The following ANKS3 variants were observed in gnomAD, a reference collection of about 807,000 sequenced individuals.
ANKS3 encodes ankyrin repeat and SAM domain-containing protein 3.
Under a neutral mutation model 80.7 loss-of-function variants are expected in ANKS3, and 62 were observed. The ratio of observed to expected loss-of-function variants is 0.77; its 90% CI spans 0.63 to 0.95. The LOEUF (loss-of-function observed/expected upper bound fraction) is 0.95. ANKS3 is among the 40% of genes least tolerant of loss of function. The pLI, the probability that ANKS3 is intolerant of heterozygous loss-of-function variation, is 0.00. For missense variants in ANKS3, 1,150 were observed against 883.6 expected, an observed-to-expected ratio of 1.30 and a Z score of -3.82; for synonymous variants, 489 against 355.3, an observed-to-expected ratio of 1.38 and a Z score of -4.23.
chr16:4,699,307 C>T (rs1021478802), intron 11 of ANKS3, 131 bp from the exon 12 acceptor site: 2 of 1,271,842 alleles, frequency 1.6e-6, no homozygotes, highest in African/African-American at 1.5e-5. Flanking sequence ...GGCGCCCAGG[C>T]TGTCCCCTCC....
At chr16:4,699,909 A>G (rs1208442182) in intron 11 of ANKS3, 1 of 152,316 alleles carries the variant, frequency 6.6e-6, no homozygotes, top group Admixed American at 6.5e-5. Context: ...ATTGCTTTTA[A>G]TGGACAAACA....
In ANKS3 at chr16:4,734,137, G is replaced by C. The variant is rs553280038; in HGVS notation, c.-270C>G. The C allele has an allele frequency of 2.2e-3, 1,351 of 622,294 alleles. 1 individual carries two copies. The highest frequency in any genetic ancestry group is 2.2e-3 in the Non-Finnish European group (1,082 of 498,126). 38.5% of individuals were successfully genotyped at this position (622,294 alleles called of 1,614,324 possible). A position where few individuals can be genotyped will look rare whatever the true frequency, so the allele number is the denominator to read the frequency against. On this transcript the variant is annotated 5_prime_UTR_variant, in exon 1 of 18. Coordinates refer to ENST00000304283, the MANE Select transcript of ANKS3 (RefSeq NM_133450.4). ...GCAGGTGCCGGCAAGTGCTGGGGCC[G>C]GGCCGCCGCGGAACCCACCTGTGCT...
chr16:4,724,619 T>C (rs1242532247), intron 6 of ANKS3, 131 bp downstream of exon 6: 14 of 889,792 alleles, frequency 1.6e-5, no homozygotes, highest in South Asian at 1.2e-4. Context: ...CAATAGATAA[T>C]GAAAATGTGT....
chr16:4,725,187 A>C, intron 5 of ANKS3: 1 of 180,566 alleles, frequency 5.5e-6, no homozygotes. Context: ...ATTCATCCAA[A>C]TCCTGGCTTC....
intron 14 of ANKS3, 124 bp from the exon 15 acceptor site, chr16:4,698,186 G>C: frequency 8.1e-7 from 1 of 1,228,218 alleles, no homozygotes; most frequent in Non-Finnish European, 1.1e-6. Flanking sequence ...TCATGGGCTG[G>C]GCCAGTGCCC....
At chr16:4,713,707 C>A (rs1373845586) in intron 7 of ANKS3, among the ~76,000 whole-genome samples, 1 of 152,160 alleles carries the variant, frequency 6.6e-6, no homozygotes, top group East Asian at 1.9e-4. Flanking sequence ...AGGAGCTAGA[C>A]AAGTTGATAT....
At chr16:4,721,618 A>G (rs1034009345) in intron 6 of ANKS3, among the ~76,000 whole-genome samples, 23 of 90,142 alleles carry the variant, frequency 2.6e-4, no homozygotes, top group Admixed American at 9.5e-4. Context: ...CTCTTTATTG[A>G]TTTATTGATT....
chr16:4,730,291 A>G, intron 2 of ANKS3, 140 bp from the exon 3 acceptor site: 1 of 748,686 alleles, frequency 1.3e-6, no homozygotes, highest in Non-Finnish European at 1.9e-6. Flanking sequence ...AACTCAGACA[A>G]ATTTATTTGC....
chr16:4,722,857 G>A (rs1163276672), intron 6 of ANKS3, among the ~76,000 whole-genome samples: 1 of 151,182 alleles, frequency 6.6e-6, no homozygotes, highest in Non-Finnish European at 1.5e-5. Context: ...GGTAGAGGTT[G>A]CAGTGAGCCG....
intron 7 of ANKS3, among the ~76,000 whole-genome samples, chr16:4,710,017 C>A (rs1003662937): frequency 6.6e-6 from 1 of 151,734 alleles, no homozygotes; most frequent in Non-Finnish European, 1.5e-5. Context: ...TCTCAAAAAC[C>A]AAACAAACAA....
At chr16:4,713,972 G>A in intron 7 of ANKS3, 79 bp downstream of exon 7, 2 of 1,555,642 alleles carry the variant, frequency 1.3e-6, no homozygotes, top group East Asian at 2.3e-5. Flanking sequence ...GGAAGCGGGG[G>A]ACATCTTTCT....
chr16:4,705,086 G>A lies in ANKS3; in HGVS notation c.868+9C>T, dbSNP rs544776046. On this transcript the variant is annotated intron_variant, in intron 8 of 17. Transcript: ENST00000304283. ...GAGAAAGAGCCCTCGGGAAACGCGG[G>A]CCACTCACCATAGCGAGGCCGTGGG... 32 of 1,610,382 alleles carry A rather than the reference G, an allele frequency of 2.0e-5. No homozygotes were observed. In the South Asian group the frequency reaches 3.5e-4, roughly 18 times the overall value.
rs942796817 is a variant in ANKS3, at chr16:4,698,414, C to T, written c.1724+13G>A. 1 of 1,501,020 alleles carries T rather than the reference C, an allele frequency of 6.7e-7. No individual in the cohort carries two copies. The highest frequency in any genetic ancestry group is 8.9e-7 in the Non-Finnish European group (1 of 1,129,338). 93.0% of individuals were successfully genotyped at this position (1,501,020 alleles called of 1,614,324 possible). A position where few individuals can be genotyped will look rare whatever the true frequency, so the allele number is the denominator to read the frequency against. On this transcript the variant is annotated intron_variant, in intron 14 of 17. Coordinates refer to ENST00000304283, the MANE Select transcript of ANKS3 (RefSeq NM_133450.4). The stretch of plus-strand genomic sequence containing the variant: ...ACTGGAGACCCAGCCCAGGGCAGCT[C>T]AGAGCCACTCACCGCAGCTGGTCCA...
rs189059289 is a variant in ANKS3 at position 4,712,791 on chromosome 16, A to T, written c.709+1260T>A. Among the ~76,000 whole-genome samples the T allele has an allele frequency of 1.7e-4, 26 of 152,300 alleles. No homozygotes were observed. In the East Asian group the frequency reaches 4.6e-3, roughly 27 times the overall value. On this transcript the variant is annotated intron_variant, in intron 7 of 17. Transcript: ENST00000304283. ...TCCACTATGTTGAACAATGAGCTAG[A>T]GGTGTTAGCAACTAAACAAAAGAAC...
chr16:4,703,897 A>G (rs750032378), intron 8 of ANKS3, among the ~76,000 whole-genome samples: 1 of 152,224 alleles, frequency 6.6e-6, no homozygotes, highest in Non-Finnish European at 1.5e-5. Context: ...TTGTTAAAGC[A>G]TTTGTTGTAC....
intron 2 of ANKS3, among the ~76,000 whole-genome samples, chr16:4,730,700 C>G (rs555943826): frequency 3.4e-4 from 52 of 152,154 alleles, no homozygotes; most frequent in African/African-American, 1.2e-3. Flanking sequence ...AATCCTGTCT[C>G]TACTAAAAAT....
At chr16:4,731,658 T>G in intron 1 of ANKS3, 79 bp from the exon 2 acceptor site, 3 of 819,954 alleles carry the variant, frequency 3.7e-6, no homozygotes, top group Non-Finnish European at 2.9e-6. Flanking sequence ...AATAAATTTT[T>G]CTGAAAAAAA....
chr16:4,725,299 G>A (rs1456055152), intron 5 of ANKS3, among the ~76,000 whole-genome samples: 5 of 152,112 alleles, frequency 3.3e-5, no homozygotes, highest in Admixed American at 3.3e-4. Flanking sequence ...TTCATGCTTG[G>A]TTATGCTAAC....
intron 8 of ANKS3, among the ~76,000 whole-genome samples, chr16:4,702,878 C>A (rs1449471430): frequency 6.6e-6 from 1 of 152,156 alleles, no homozygotes; most frequent in African/African-American, 2.4e-5. Context: ...TGGCACATGT[C>A]TGTAATCTCA....
Sources: gnomAD v4.1 joint callset for allele counts (sites outside exome capture counted in the v4.1 genomes callset) on GRCh38, gnomAD v4.1.1 for gene constraint, MANE v1.5 for transcripts, NCBI Gene and HGNC (gene_info 2026-07-23, HGNC 2026-07-21) for gene names.